Variants in PDZRN4 observed in about 807,000 individuals in gnomAD.
PDZRN4 encodes PDZ domain-containing RING finger protein 4.
Under a neutral mutation model 99.0 loss-of-function variants are expected in PDZRN4, and 70 were observed. The ratio of observed to expected loss-of-function variants is 0.71; its 90% confidence interval spans 0.58 to 0.86. The LOEUF is 0.86. Ranked by LOEUF, PDZRN4 falls within the 40% of genes least tolerant of loss-of-function variation. The pLI is 0.00. For synonymous variants in PDZRN4, 551 were observed against 501.6 expected (o/e 1.10, Z -1.32); for missense variants, 1,474 against 1,331.2 (o/e 1.11, Z -1.67).
intron 3 of PDZRN4, among the ~76,000 whole-genome samples, chr12:41,341,165 T>TTA (rs1555132210): frequency 6.7e-6 from 1 of 148,888 alleles, no homozygotes; most frequent in Non-Finnish European, 1.5e-5. Flanking sequence ...CCTTTCATGA[T>TTA]AAAAAAAAAA....
rs537858575 is a variant in PDZRN4 at position 41,275,823 on chromosome 12, T to G, written c.843+81635T>G. 2.0e-5 allele frequency among the ~76,000 whole-genome samples: 3 copies of G among 152,256 alleles called. No individual in the cohort carries two copies. In the South Asian group the frequency reaches 6.2e-4, roughly 32 times the overall value. On this transcript the variant is annotated intron_variant, in intron 3 of 9. Transcript: ENST00000402685. ...AGTGATGAGTATAAAGCATTTCACT[T>G]TTTAAAATAAAAATGGAGACTCATT...
At chr12:41,436,475 G>A (rs1438099036) in intron 3 of PDZRN4, among the ~76,000 whole-genome samples, 2 of 152,132 alleles carry the variant, frequency 1.3e-5, no homozygotes, top group African/African-American at 4.8e-5. Flanking sequence ...TCAGTGATAA[G>A]CAATTAAAAA....
In PDZRN4 at chr12:41,547,228, T is replaced by C. The variant is rs185473940; in HGVS notation, c.1204-5428T>C. 5.7e-4 allele frequency among the ~76,000 whole-genome samples: 87 copies of C among 152,348 alleles called. 1 individual carries two copies. Among genetic ancestry groups the C allele is most frequent in the Admixed American group, 5.4e-3 (83 of 15,308 alleles). On this transcript the variant is annotated intron_variant, in intron 5 of 9. Transcript: ENST00000402685. ...CTGGTTTCCTTCTATAGCTTTGTTC[T>C]TTGTTTTAGACAGATTGCTTTTGGG... is the stretch of plus-strand genomic sequence containing the variant.
chr12:41,345,942 A>T, intron 3 of PDZRN4, among the ~76,000 whole-genome samples: 1 of 152,210 alleles, frequency 6.6e-6, no homozygotes. Context: ...ATTACCAATA[A>T]TAATATTAGT....
chr12:41,248,693 T>C (rs1259410003), intron 3 of PDZRN4, among the ~76,000 whole-genome samples: 2 of 152,134 alleles, frequency 1.3e-5, no homozygotes, highest in East Asian at 3.9e-4. Flanking sequence ...TATATAGCAA[T>C]TAACCAAAAA....
At chr12:41,190,638 G>A (rs190236788) in intron 1 of PDZRN4, among the ~76,000 whole-genome samples, 1 of 152,244 alleles carries the variant, frequency 6.6e-6, no homozygotes, top group Non-Finnish European at 1.5e-5. Context: ...AAAAGCTCCT[G>A]GGAAAATATC....
At chr12:41,299,236 G>T (rs750793385) in intron 3 of PDZRN4, among the ~76,000 whole-genome samples, 4 of 151,900 alleles carry the variant, frequency 2.6e-5, no homozygotes, top group Non-Finnish European at 5.9e-5. Flanking sequence ...TCTCTGAAAT[G>T]TTCTTGTTTT....
chr12:41,370,832 A>G (rs914009032), intron 3 of PDZRN4, among the ~76,000 whole-genome samples: 1 of 151,886 alleles, frequency 6.6e-6, no homozygotes, highest in Non-Finnish European at 1.5e-5. Flanking sequence ...AATGTACTCA[A>G]AAAAATTTCA....
intron 3 of PDZRN4, among the ~76,000 whole-genome samples, chr12:41,238,229 G>A (rs79170804): frequency 0.012 from 1,891 of 152,084 alleles, 45 homozygotes; most frequent in African/African-American, 0.043. Flanking sequence ...TCTCTTTGTG[G>A]CAATTGTAAA....
intron 3 of PDZRN4, among the ~76,000 whole-genome samples, chr12:41,487,530 C>A (rs945268328): frequency 2.0e-5 from 3 of 152,136 alleles, no homozygotes; most frequent in Admixed American, 6.6e-5. Flanking sequence ...AGAACCTCAA[C>A]TATGTGTATT....
At chr12:41,383,299 G>C (rs1952140059) in intron 3 of PDZRN4, among the ~76,000 whole-genome samples, 1 of 152,176 alleles carries the variant, frequency 6.6e-6, no homozygotes, top group Admixed American at 6.5e-5. Context: ...CTCCAGCAAA[G>C]CTGTTCTGTG....
intron 5 of PDZRN4, among the ~76,000 whole-genome samples, chr12:41,540,229 C>T (rs1167010353): frequency 6.6e-6 from 1 of 152,104 alleles, no homozygotes; most frequent in African/African-American, 2.4e-5. Flanking sequence ...CACTGTAGTA[C>T]TAACCTGAAG....
chr12:41,392,167 A>G (rs1205970314), intron 3 of PDZRN4, among the ~76,000 whole-genome samples: 1 of 152,142 alleles, frequency 6.6e-6, no homozygotes, highest in East Asian at 1.9e-4. Flanking sequence ...ATAGAAGAAT[A>G]AAATAAAGGC....
At chr12:41,557,265 CT>C (rs1939185388) in intron 7 of PDZRN4, among the ~76,000 whole-genome samples, 2 of 151,570 alleles carry the variant, frequency 1.3e-5, no homozygotes, top group South Asian at 4.2e-4. Flanking sequence ...TGGAATTTCA[CT>C]GCCAATCACA....
At chr12:41,208,326 T>C (rs1950864570) in intron 3 of PDZRN4, among the ~76,000 whole-genome samples, 1 of 152,048 alleles carries the variant, frequency 6.6e-6, no homozygotes, top group Admixed American at 6.6e-5. Flanking sequence ...GCTTTAAGAG[T>C]GATTCCCAAA....
intron 3 of PDZRN4, among the ~76,000 whole-genome samples, chr12:41,227,745 A>G (rs1360952738): frequency 2.6e-5 from 4 of 152,044 alleles, no homozygotes; most frequent in African/African-American, 9.7e-5. Flanking sequence ...TATGAGATAT[A>G]TGCTGTTTGG....
intron 3 of PDZRN4, among the ~76,000 whole-genome samples, chr12:41,234,001 C>G (rs1377102491): frequency 1.3e-5 from 2 of 151,882 alleles, no homozygotes; most frequent in Non-Finnish European, 2.9e-5. Flanking sequence ...GAATCACTCT[C>G]TGATTGGCCC....
Position 41,189,080 on chromosome 12 carries a change from G to C in PDZRN4, c.625G>C (p.Asp209His), listed in dbSNP as rs1950717742. 1.9e-6 allele frequency: 3 copies of C among 1,581,530 alleles called. No homozygotes were observed. Among genetic ancestry groups the C allele is most frequent in the African/African-American group, 1.3e-5 (1 of 74,572 alleles). The change falls in exon 1 of 10, where the codon GAC (aspartate) becomes CAC (histidine). Residue 209 changes from aspartate (D) to histidine (H), a missense_variant. Coordinates refer to ENST00000402685, the MANE Select transcript of PDZRN4 (RefSeq NM_001164595.2). ...YMAHVRNFVGDLGGGHRRDGE... is the reference protein window; with the variant it reads ...YMAHVRNFVGHLGGGHRRDGE... ...GGCTCACGTCCGCAACTTCGTCGGC[G>C]ACCTCGGTGGCGGCCACCGCAGGGT... is the stretch of plus-strand genomic sequence containing the variant.
chr12:41,364,879 T>C (rs1349759863), intron 3 of PDZRN4, among the ~76,000 whole-genome samples: 1 of 152,094 alleles, frequency 6.6e-6, no homozygotes, highest in East Asian at 1.9e-4. Flanking sequence ...CAAGTAGGGA[T>C]TGTCTTATTC....
Sources: allele counts gnomAD v4.1 joint callset (sites outside exome capture counted in the v4.1 genomes callset), GRCh38; gene constraint gnomAD v4.1.1; transcripts MANE v1.5; gene names NCBI Gene and HGNC (gene_info 2026-07-23, HGNC 2026-07-21).